PTPRD: variants seen among roughly 807,000 people sequenced by gnomAD.
PTPRD encodes receptor-type tyrosine-protein phosphatase delta.
Under a neutral mutation model 214.5 loss-of-function variants are expected in PTPRD, and 34 were observed. The observed-to-expected ratio is 0.16, with a 90% CI of 0.12 to 0.21. PTPRD has a LOEUF of 0.21. Among genes scored for constraint, PTPRD ranks in the 10% least tolerant of loss-of-function variants. The pLI is 1.00. For synonymous variants in PTPRD, 1,128 were observed against 845.7 expected (o/e 1.33, Z -5.79); for missense variants, 2,545 against 2,398.7 (o/e 1.06, Z -1.27).
At chr9:10,425,289 T>C (rs1166147474) in intron 2 of PTPRD, among the ~76,000 whole-genome samples, 1 of 151,988 alleles carries the variant, frequency 6.6e-6, no homozygotes, top group African/African-American at 2.4e-5. Flanking sequence ...AAAAATCCAA[T>C]AATGTTTCAG....
chr9:9,477,683 T>C (rs1462446733), intron 8 of PTPRD, among the ~76,000 whole-genome samples: 2 of 152,184 alleles, frequency 1.3e-5, no homozygotes, highest in Non-Finnish European at 2.9e-5. Context: ...CTCTGAAACG[T>C]ATTTCCCAGT....
At chr9:9,861,258 G>A (rs1241960080) in intron 5 of PTPRD, among the ~76,000 whole-genome samples, 1 of 151,958 alleles carries the variant, frequency 6.6e-6, no homozygotes, top group Non-Finnish European at 1.5e-5. Context: ...AAGTAATTAA[G>A]ATTGAAATAG....
intron 3 of PTPRD, among the ~76,000 whole-genome samples, chr9:10,149,334 C>A (rs2099044939): frequency 6.6e-6 from 1 of 152,178 alleles, no homozygotes; most frequent in Admixed American, 6.5e-5. Flanking sequence ...TGGGCCAGAT[C>A]TTCCCAAGAG....
At chr9:9,665,570 A>C (rs2096706189) in intron 7 of PTPRD, among the ~76,000 whole-genome samples, 1 of 151,800 alleles carries the variant, frequency 6.6e-6, no homozygotes, top group South Asian at 2.1e-4. Flanking sequence ...TATCTTACTC[A>C]GAGTCCCCCA....
At chr9:8,684,512 A>G (rs1242141643) in intron 12 of PTPRD, among the ~76,000 whole-genome samples, 2 of 152,066 alleles carry the variant, frequency 1.3e-5, no homozygotes, top group Admixed American at 1.3e-4. Context: ...TGCAGAGGAA[A>G]TCATGTGACT....
intron 10 of PTPRD, among the ~76,000 whole-genome samples, chr9:9,119,002 A>G (rs1208393904): frequency 1.3e-5 from 2 of 152,306 alleles, no homozygotes; most frequent in Non-Finnish European, 2.9e-5. Flanking sequence ...AAAATATACT[A>G]AGGATAATAT....
chr9:8,409,162 T>C (rs10977058), intron 35 of PTPRD, among the ~76,000 whole-genome samples: 16,867 of 152,270 alleles, frequency 0.11, 2,022 homozygotes, highest in East Asian at 0.51. Flanking sequence ...TTGTGCTTTG[T>C]ACATACTAAC....
intron 2 of PTPRD, among the ~76,000 whole-genome samples, chr9:10,363,459 A>G (rs2097435373): frequency 6.6e-6 from 1 of 152,206 alleles, no homozygotes; most frequent in African/African-American, 2.4e-5. Context: ...CTGAAAAGTG[A>G]CATTTCTCAC....
At chr9:8,924,444 G>C (rs1440390160) in intron 11 of PTPRD, among the ~76,000 whole-genome samples, 3 of 152,164 alleles carry the variant, frequency 2.0e-5, no homozygotes, top group African/African-American at 7.2e-5. Context: ...TCACTCTTAG[G>C]TGCTCTTGGC....
In PTPRD at chr9:8,526,647, G is replaced by C; in HGVS notation, c.551-3C>G. On this transcript the variant is annotated splice_polypyrimidine_tract_variant and splice_region_variant and intron_variant, in intron 16 of 45. Coordinates refer to ENST00000381196, the MANE Select transcript of PTPRD (RefSeq NM_002839.4). ...CTTACCTCTTATTGGTGTACCACCT[G>C]GGTGGATAATATGAATGCAAATAAG... 1 of 1,574,090 alleles carries C rather than the reference G, an allele frequency of 6.4e-7. No homozygotes were observed. The highest frequency in any genetic ancestry group is 8.6e-7 in the Non-Finnish European group (1 of 1,156,970).
intron 8 of PTPRD, among the ~76,000 whole-genome samples, chr9:9,441,610 T>C (rs2144448275): frequency 6.6e-6 from 1 of 152,190 alleles, no homozygotes. Context: ...GCCCTTTCCA[T>C]GGAGACATAT....
chr9:8,869,509 C>A (rs778600829), intron 11 of PTPRD, among the ~76,000 whole-genome samples: 13 of 152,066 alleles, frequency 8.5e-5, no homozygotes, highest in Admixed American at 5.2e-4. Context: ...ATTGATTGAT[C>A]CAGACCCTGA....
intron 9 of PTPRD, among the ~76,000 whole-genome samples, chr9:9,275,596 C>G: frequency 6.6e-6 from 1 of 151,130 alleles, no homozygotes; most frequent in South Asian, 2.1e-4. Flanking sequence ...TGGTCTAGAC[C>G]ATTGGCTTGA....
rs1565191214 is a variant in PTPRD at position 8,485,211 on chromosome 9, T to C, written c.3153+16A>G. On this transcript the variant is annotated intron_variant, in intron 29 of 45. Transcript: ENST00000381196. ...ACTTTTATCTGTGATTTCTTACAAA[T>C]TAGAAAACAACTTACTTTGAAAGGC... The C allele has an allele frequency of 8.1e-6, 13 of 1,605,198 alleles. No homozygotes were observed. Among genetic ancestry groups the C allele is most frequent in the African/African-American group, 1.3e-5 (1 of 74,820 alleles).
intron 3 of PTPRD, among the ~76,000 whole-genome samples, chr9:10,233,376 C>A (rs2099618422): frequency 6.6e-6 from 1 of 151,868 alleles, no homozygotes; most frequent in Admixed American, 6.6e-5. Flanking sequence ...ATTATGGAAG[C>A]CTGAATAGGG....
At chr9:10,376,388 G>C (rs2097728878) in intron 2 of PTPRD, among the ~76,000 whole-genome samples, 1 of 151,286 alleles carries the variant, frequency 6.6e-6, no homozygotes, top group Non-Finnish European at 1.5e-5. Context: ...AACAAATATG[G>C]TTATTTAAGA....
At chr9:9,603,220 A>G (rs2093908309) in intron 7 of PTPRD, among the ~76,000 whole-genome samples, 1 of 152,174 alleles carries the variant, frequency 6.6e-6, no homozygotes, top group African/African-American at 2.4e-5. Context: ...TGCTGTCGGA[A>G]TAGCTTTATG....
intron 12 of PTPRD, among the ~76,000 whole-genome samples, chr9:8,688,873 C>T (rs897464313): frequency 1.3e-5 from 2 of 152,186 alleles, no homozygotes; most frequent in African/African-American, 2.4e-5. Flanking sequence ...TCTAAAGTCC[C>T]TTGCAGGCCT....
intron 4 of PTPRD, among the ~76,000 whole-genome samples, chr9:10,018,678 G>C (rs1206657037): frequency 2.1e-5 from 3 of 144,488 alleles, no homozygotes; most frequent in Non-Finnish European, 3.0e-5. Flanking sequence ...CTCCCAAGTA[G>C]CTGGGACTAC....
Sources: allele counts gnomAD v4.1 joint callset (sites outside exome capture counted in the v4.1 genomes callset), GRCh38; gene constraint gnomAD v4.1.1; transcripts MANE v1.5; gene names NCBI Gene and HGNC (gene_info 2026-07-23, HGNC 2026-07-21).